The following NCOR1 variants were observed in gnomAD, a reference collection of about 807,000 sequenced individuals.
NCOR1 encodes the protein protein phosphatase 1, regulatory subunit 109.
In NCOR1, 63 loss-of-function variants were observed where a neutral mutation model predicts 288.1. The observed-to-expected ratio is 0.22, with a 90% confidence interval of 0.18 to 0.27. The LOEUF is 0.27. NCOR1 is among the 10% of genes least tolerant of loss of function. NCOR1 has a pLI of 1.00. For missense variants in NCOR1, 2,397 were observed against 3,019.2 expected (o/e 0.79, Z 4.83); for synonymous variants, 1,007 against 1,065.9 (o/e 0.94, Z 1.08).
At chr17:16,151,839 A>T in intron 8 of NCOR1, 107 bp downstream of exon 8, 1 of 1,005,834 alleles carries the variant, frequency 9.9e-7, no homozygotes, top group Non-Finnish European at 1.5e-6. Context: ...CACAAATCTA[A>T]AACATACCTA....
At chr17:16,042,919 C>T (rs1163201273) in intron 42 of NCOR1, among the ~76,000 whole-genome samples, 1 of 152,150 alleles carries the variant, frequency 6.6e-6, no homozygotes, top group African/African-American at 2.4e-5. Flanking sequence ...GAGTTTTCAG[C>T]ATACAAGCGA....
intron 13 of NCOR1, 42 bp from the exon 14 acceptor site, chr17:16,137,454 TA>T: frequency 1.8e-6 from 2 of 1,122,664 alleles, no homozygotes; most frequent in Non-Finnish European, 2.5e-6. Context: ...TCCAATGAAA[TA>T]AAGAAATTTT....
At chr17:16,040,216 AAT>A in intron 43 of NCOR1, 1 of 640,560 alleles carries the variant, frequency 1.6e-6, no homozygotes, top group Non-Finnish European at 2.9e-6. Flanking sequence ...AGTGTTCTTT[AAT>A]AGTTTCATTC....
chr17:16,209,637 T>A (rs1475299796), intron 1 of NCOR1, among the ~76,000 whole-genome samples: 2 of 142,416 alleles, frequency 1.4e-5, no homozygotes, highest in African/African-American at 2.6e-5. Flanking sequence ...CTTTTGGATG[T>A]AAAAAAAAAA....
intron 21 of NCOR1, among the ~76,000 whole-genome samples, chr17:16,093,035 A>T (rs1179372860): frequency 4.6e-5 from 7 of 152,008 alleles, no homozygotes; most frequent in Non-Finnish European, 1.0e-4. Flanking sequence ...TTTAAATGTC[A>T]TCCATTTGTT....
intron 42 of NCOR1, 115 bp from the exon 43 acceptor site, chr17:16,040,609 C>T: frequency 1.1e-6 from 1 of 916,504 alleles, no homozygotes; most frequent in Non-Finnish European, 1.7e-6. Context: ...TGATCTCAAC[C>T]TTTATTTCTC....
intron 26 of NCOR1, among the ~76,000 whole-genome samples, chr17:16,078,424 C>G (rs142428742): frequency 7.6e-4 from 116 of 152,322 alleles, no homozygotes; most frequent in African/African-American, 2.7e-3. Flanking sequence ...AAAATTTAGT[C>G]TCCTTTGGCC....
intron 22 of NCOR1, among the ~76,000 whole-genome samples, chr17:16,088,882 C>T (rs1008149023): frequency 4.6e-5 from 7 of 152,078 alleles, no homozygotes; most frequent in African/African-American, 1.7e-4. Flanking sequence ...TTTCAGATGT[C>T]TCTGGTGTAT....
chr17:16,141,979 G>C (rs2077225536), intron 11 of NCOR1, among the ~76,000 whole-genome samples: 1 of 152,064 alleles, frequency 6.6e-6, no homozygotes, highest in Non-Finnish European at 1.5e-5. Flanking sequence ...CCATTTCACA[G>C]AATTTTCACA....
chr17:16,204,365 G>A (rs939452598), intron 1 of NCOR1, among the ~76,000 whole-genome samples: 1 of 152,080 alleles, frequency 6.6e-6, no homozygotes, highest in Non-Finnish European at 1.5e-5. Flanking sequence ...AGAATTAGAA[G>A]TTTTAAAAAG....
chr17:16,135,729 T>C (rs2076297702), intron 14 of NCOR1, among the ~76,000 whole-genome samples: 1 of 152,192 alleles, frequency 6.6e-6, no homozygotes, highest in Admixed American at 6.5e-5. Context: ...AAAGAGCATG[T>C]AATCACATCA....
At chr17:16,197,408 CAT>C (rs2090048812) in intron 1 of NCOR1, among the ~76,000 whole-genome samples, 1 of 152,146 alleles carries the variant, frequency 6.6e-6, no homozygotes, top group South Asian at 2.1e-4. Flanking sequence ...CTCCTGATGT[CAT>C]GTTTCCTGCT....
rs372653667 is a variant in NCOR1 at position 16,047,127 on chromosome 17, C to T, written c.6537-34G>A. 49 of 1,582,880 alleles carry T rather than the reference C, an allele frequency of 3.1e-5. No homozygotes were observed. The African/African-American group carries it at 3.1e-4, about 10-fold the overall frequency. On this transcript the variant is annotated intron_variant, in intron 41 of 45. Coordinates refer to ENST00000268712, the MANE Select transcript of NCOR1 (RefSeq NM_006311.4). ...GCCAAAGTTAAGTATATTACAACCA[C>T]GTACTCCTAATCCTGGGGACATTCC...
chr17:16,197,385 A>G (rs775894856), intron 1 of NCOR1, among the ~76,000 whole-genome samples: 15 of 152,138 alleles, frequency 9.9e-5, no homozygotes, highest in Non-Finnish European at 1.3e-4. Flanking sequence ...TTTTAAATAA[A>G]TATACCATCC....
At position 16,127,757 on chromosome 17, in the gene NCOR1, A is replaced by C. The variant is rs2153220586; in HGVS notation, c.1510-1551T>G. Among the ~76,000 whole-genome samples, 2 of 103,192 alleles carry C rather than the reference A, an allele frequency of 1.9e-5. 1 individual carries two copies. The highest frequency in any genetic ancestry group is 5.4e-4 in the South Asian group (2 of 3,694). 67.7% of individuals were successfully genotyped at this position (103,192 alleles called of 152,430 possible). On this transcript the variant is annotated intron_variant, in intron 14 of 45. Coordinates refer to ENST00000268712, the MANE Select transcript of NCOR1 (RefSeq NM_006311.4). ...TATATATGTGTGGAGATATATATAT[A>C]TATCTCTCATAGTATATTAGGGTTC...
chr17:16,095,105 C>G (rs112725429), intron 21 of NCOR1, among the ~76,000 whole-genome samples: 1 of 151,764 alleles, frequency 6.6e-6, no homozygotes, highest in South Asian at 2.1e-4. Flanking sequence ...GCCGCCATCC[C>G]ACCTGGGAAG....
chr17:16,070,093 C>T (rs2061570402), intron 31 of NCOR1, 72 bp downstream of exon 31: 1 of 1,475,740 alleles, frequency 6.8e-7, no homozygotes, highest in Non-Finnish European at 9.1e-7. Flanking sequence ...ATATTTACTA[C>T]TTGACAAAGG....
Position 16,101,618 on chromosome 17 carries a change from T to G in NCOR1, c.2322A>C (p.Pro774=). 6.2e-7 allele frequency: 1 copy of G among 1,614,232 alleles called. No individual in the cohort carries two copies. The highest frequency in any genetic ancestry group is 2.2e-5 in the East Asian group (1 of 44,880). The change falls in exon 20 of 46, where the codon CCA becomes CCC. Residue 774 remains proline, a synonymous_variant. Transcript: ENST00000268712. ...GGGTCTCCACACTTTCATCTTCAGCTGGTTTTGTACTTGGAACTGCTAAGG... is the reference window on the plus strand; with the variant it reads ...GGGTCTCCACACTTTCATCTTCAGCGGGTTTTGTACTTGGAACTGCTAAGG... ...SPSLAVPSTK[P]AEDESVETQV...
At chr17:16,092,716 TA>T (rs1435461620) in intron 21 of NCOR1, among the ~76,000 whole-genome samples, 1 of 100,948 alleles carries the variant, frequency 9.9e-6, no homozygotes. Flanking sequence ...TTTTTTTTTT[TA>T]AGACATAGTC....
Sources: gnomAD v4.1 joint callset for allele counts (sites outside exome capture counted in the v4.1 genomes callset) on GRCh38, gnomAD v4.1.1 for gene constraint, MANE v1.5 for transcripts, NCBI Gene and HGNC (gene_info 2026-07-23, HGNC 2026-07-21) for gene names.